Variants in RAB2B observed in about 807,000 individuals in gnomAD.
The protein encoded by RAB2B is RAB2B, member RAS oncogene family, also known as ras-related protein Rab-2B.
A neutral mutation model predicts 29.8 loss-of-function variants in RAB2B; 20 were observed. The ratio of observed to expected loss-of-function variants is 0.67; its 90% CI spans 0.47 to 0.97. RAB2B has a LOEUF of 0.97. RAB2B is among the 50% of genes least tolerant of loss of function. The pLI is 0.00. For synonymous variants in RAB2B, 93 were observed against 91.7 expected, an observed-to-expected ratio of 1.01 and a Z score of -0.08; for missense variants, 218 against 272.0, an observed-to-expected ratio of 0.80 and a Z score of 1.40.
intron 3 of RAB2B, chr14:21,474,530 A>C: frequency 3.9e-6 from 1 of 255,382 alleles, no homozygotes; most frequent in Non-Finnish European, 7.6e-6. Context: ...TACACGTGGA[A>C]TCATCAGTAA....
chr14:21,464,581 T>C (rs1412825460), intron 5 of RAB2B, among the ~76,000 whole-genome samples: 1 of 151,706 alleles, frequency 6.6e-6, no homozygotes, highest in African/African-American at 2.4e-5. Flanking sequence ...CTAGTGCATA[T>C]AAAAGCAGCT....
Position 21,460,594 on chromosome 14 carries a change from AAAAAAAAAAAAG to A in RAB2B, c.*590_*601del, listed in dbSNP as rs1416974757. On this transcript the variant is annotated 3_prime_UTR_variant, in exon 8 of 8. Transcript: ENST00000397762. ...GTGAGACTCCATCCCCCCAAAAAAA[AAAAAAAAAAAAG>A]AAAAAAAAAATTATTTATTTATTTG... 3.3e-5 allele frequency: 5 copies of A among 149,598 alleles called. No individual in the cohort carries two copies. Among genetic ancestry groups the A allele is most frequent in the Non-Finnish European group, 7.2e-5 (5 of 69,200 alleles). 9.3% of individuals were successfully genotyped at this position (149,598 alleles called of 1,614,324 possible).
rs968646735 is a variant in RAB2B, at chr14:21,462,295, C to T, written c.543+55G>A. The T allele has an allele frequency of 1.0e-5, 15 of 1,462,896 alleles. No individual in the cohort carries two copies. The African/African-American group carries it at 1.6e-4, about 15-fold the overall frequency. 90.6% of individuals were successfully genotyped at this position (1,462,896 alleles called of 1,614,324 possible). A position where few individuals can be genotyped will look rare whatever the true frequency, so the allele number is the denominator to read the frequency against. The stretch of plus-strand genomic sequence containing the variant: ...TAAGCATTCCATTCTAGGGAACCTC[C>T]AGTTGTATTCAGAACAAGCCAAAGT... On this transcript the variant is annotated intron_variant, in intron 7 of 7. Transcript: ENST00000397762.
Position 21,460,089 on chromosome 14 carries a change from G to T in RAB2B, c.*1107C>A. ...GTAGAGAAGTACTCAGTGCTCTTGG[G>T]CAAGTAGAGGAAACTGCCTTCTACA... is the stretch of plus-strand genomic sequence containing the variant. On this transcript the variant is annotated 3_prime_UTR_variant, in exon 8 of 8. Coordinates refer to ENST00000397762, the MANE Select transcript of RAB2B (RefSeq NM_032846.4). 2.0e-6 allele frequency: 1 copy of T among 512,042 alleles called. No homozygotes were observed. 31.7% of individuals were successfully genotyped at this position (512,042 alleles called of 1,614,324 possible).
chr14:21,471,124 G>C (rs1481166497), intron 3 of RAB2B, among the ~76,000 whole-genome samples: 2 of 151,040 alleles, frequency 1.3e-5, no homozygotes, highest in East Asian at 1.9e-4. Context: ...AGTAAGCCAA[G>C]ATGGCGCTAT....
intron 6 of RAB2B, among the ~76,000 whole-genome samples, chr14:21,463,025 C>T (rs1890600317): frequency 6.6e-6 from 1 of 151,798 alleles, no homozygotes; most frequent in Non-Finnish European, 1.5e-5. Flanking sequence ...CACTGGTTAC[C>T]GAAGATACCA....
Position 21,476,859 on chromosome 14 carries a change from T to C in RAB2B, c.14A>G (p.Tyr5Cys). The C allele has an allele frequency of 6.2e-7, 1 of 1,613,516 alleles. No homozygotes were observed. The highest frequency in any genetic ancestry group is 8.5e-7 in the Non-Finnish European group (1 of 1,180,018). ...TCCGATGATGATATACTTGAAGAGA[T>C]AAGCATAAGTCATGGTGTCGCGTCC... MTYA[Y>C]LFKYIIIGDT... The change falls in exon 1 of 8, where the codon TAT (tyrosine) becomes TGT (cysteine). Residue 5 changes from tyrosine (Y) to cysteine (C), a missense_variant. Physicochemically the swap from Tyr to Cys is radical, Grantham distance 194. Coordinates refer to ENST00000397762, the MANE Select transcript of RAB2B (RefSeq NM_032846.4).
chr14:21,467,094 A>G (rs1174501355), intron 5 of RAB2B, among the ~76,000 whole-genome samples: 1 of 151,612 alleles, frequency 6.6e-6, no homozygotes, highest in Admixed American at 6.6e-5. Context: ...TTTTCAGTAC[A>G]GACGGGGTTT....
chr14:21,476,359 C>G (rs1890964708), intron 2 of RAB2B, 169 bp downstream of exon 2: 4 of 668,486 alleles, frequency 6.0e-6, no homozygotes, highest in Non-Finnish European at 1.0e-5. Context: ...TTACACTACT[C>G]CCCACATATC....
chr14:21,471,176 TA>T (rs11300913), intron 3 of RAB2B, among the ~76,000 whole-genome samples: 128,172 of 143,936 alleles, frequency 0.89, 57,055 homozygotes, highest in Middle Eastern at 0.94. Context: ...CTGTCTAAAT[TA>T]AAAAAAAAAA....
intron 5 of RAB2B, 93 bp downstream of exon 5, chr14:21,468,264 A>G: frequency 1.0e-6 from 1 of 962,302 alleles, no homozygotes; most frequent in Non-Finnish European, 1.6e-6. Flanking sequence ...TGAAACACTA[A>G]GACCACTATA....
intron 3 of RAB2B, among the ~76,000 whole-genome samples, chr14:21,473,339 T>A (rs1350466068): frequency 6.6e-6 from 1 of 152,240 alleles, no homozygotes; most frequent in Non-Finnish European, 1.5e-5. Context: ...AGCTATTTAC[T>A]AGCTCCCTTT....
Position 21,460,114 on chromosome 14 carries a change from A to G in RAB2B, c.*1082T>C. On this transcript the variant is annotated 3_prime_UTR_variant, in exon 8 of 8. Transcript: ENST00000397762. ...GCAAGTAGAGGAAACTGCCTTCTAC[A>G]AGAATTCTTAGGAAGTGGCAAGCAG... 1.9e-6 allele frequency: 1 copy of G among 517,696 alleles called. No homozygotes were observed. The highest frequency in any genetic ancestry group is 2.0e-5 in the Admixed American group (1 of 51,270). 32.1% of individuals were successfully genotyped at this position (517,696 alleles called of 1,614,324 possible).
chr14:21,474,961 T>A (rs1454384984), intron 2 of RAB2B, 27 bp from the exon 3 acceptor site: 1 of 1,604,936 alleles, frequency 6.2e-7, no homozygotes, highest in Non-Finnish European at 8.5e-7. Flanking sequence ...AGAGAAAGAA[T>A]GTGATTCTCA....
intron 5 of RAB2B, among the ~76,000 whole-genome samples, chr14:21,464,977 C>A (rs1050526866): frequency 6.6e-6 from 1 of 150,790 alleles, no homozygotes; most frequent in Admixed American, 6.6e-5. Flanking sequence ...CCAGCCTGGG[C>A]AACAGCACGA....
At position 21,467,922 on chromosome 14, in the gene RAB2B, G is replaced by A. The variant is rs115947304; in HGVS notation, c.362+435C>T. Among the ~76,000 whole-genome samples, 607 of 152,222 alleles carry A rather than the reference G, an allele frequency of 4.0e-3. 2 individuals carry two copies. Among genetic ancestry groups the A allele is most frequent in the African/African-American group, 0.014 (571 of 41,536 alleles). On this transcript the variant is annotated intron_variant, in intron 5 of 7. Transcript: ENST00000397762. Reference sequence around the variant, plus strand: ...ACATGCTACAATATGGATAAACCTCGAAGACATTATGCTAAGTGAAATAAG... The same window carrying A: ...ACATGCTACAATATGGATAAACCTCAAAGACATTATGCTAAGTGAAATAAG...
intron 5 of RAB2B, among the ~76,000 whole-genome samples, chr14:21,464,008 G>T (rs1202114666): frequency 1.5e-4 from 23 of 152,094 alleles, no homozygotes; most frequent in Admixed American, 1.5e-3. Flanking sequence ...AGAGAAAATG[G>T]CTTATCAAGG....
At chr14:21,463,617 A>G (rs1890618434) in intron 6 of RAB2B, 39 bp downstream of exon 6, 1 of 1,283,758 alleles carries the variant, frequency 7.8e-7, no homozygotes, top group South Asian at 1.2e-5. Flanking sequence ...TAATGGTGTA[A>G]TCTCTAAAGA....
At chr14:21,463,182 AG>A (rs1465147148) in intron 6 of RAB2B, among the ~76,000 whole-genome samples, 6 of 152,152 alleles carry the variant, frequency 3.9e-5, no homozygotes, top group Non-Finnish European at 7.3e-5. Flanking sequence ...TCAGGGTAAA[AG>A]AAAATGGGAC....
Sources: gnomAD v4.1 joint callset for allele counts (sites outside exome capture counted in the v4.1 genomes callset) on GRCh38, gnomAD v4.1.1 for gene constraint, MANE v1.5 for transcripts, NCBI Gene and HGNC (gene_info 2026-07-23, HGNC 2026-07-21) for gene names.